The following DMD variants were observed in gnomAD, a reference collection of about 807,000 sequenced individuals.
DMD encodes the protein mutant dystrophin.
Under a neutral mutation model 330.1 loss-of-function variants are expected in DMD, and 63 were observed. That is an observed-to-expected ratio of 0.19 (90% CI 0.16 to 0.24). The LOEUF is 0.24. DMD is among the 10% of genes least tolerant of loss of function. The pLI, the probability that DMD is intolerant of heterozygous loss-of-function variation, is 1.00. For synonymous variants in DMD, 1,223 were observed against 959.8 expected, an observed-to-expected ratio of 1.27 and a Z score of -5.07; for missense variants, 3,344 against 2,684.1, an observed-to-expected ratio of 1.25 and a Z score of -5.43.
intron 44 of DMD, among the ~76,000 whole-genome samples, chrX:31,998,802 T>C (rs1023711510): frequency 3.3e-4 from 37 of 112,237 alleles, no homozygotes; most frequent in African/African-American, 1.1e-3. Flanking sequence ...CATAAAAGAA[T>C]ACTTATAAAT....
chrX:32,611,376 A>T (rs1474991634), intron 12 of DMD, among the ~76,000 whole-genome samples: 2 of 111,271 alleles, frequency 1.8e-5, no homozygotes, highest in African/African-American at 6.5e-5. Context: ...GTAAAATGTT[A>T]CATAATCAAC....
intron 9 of DMD, among the ~76,000 whole-genome samples, chrX:32,691,407 G>C (rs907616130): frequency 2.7e-5 from 3 of 110,473 alleles, no homozygotes; most frequent in African/African-American, 6.6e-5. Flanking sequence ...ATGGTCAACA[G>C]GTGTATGAAA....
At chrX:31,521,725 G>C (rs763402358) in intron 55 of DMD, among the ~76,000 whole-genome samples, 1 of 111,470 alleles carries the variant, frequency 9.0e-6, no homozygotes, top group Non-Finnish European at 1.9e-5. Context: ...TTTGTGATAC[G>C]GTTTTAAATT....
intron 7 of DMD, among the ~76,000 whole-genome samples, chrX:32,720,927 T>G (rs1334279446): frequency 8.9e-6 from 1 of 111,883 alleles, no homozygotes; most frequent in East Asian, 2.8e-4. Flanking sequence ...TGTATTCAAC[T>G]TATACATTTT....
intron 44 of DMD, among the ~76,000 whole-genome samples, chrX:32,147,344 T>C (rs1161935217): frequency 1.8e-5 from 2 of 112,152 alleles, no homozygotes; most frequent in Non-Finnish European, 3.8e-5. Flanking sequence ...CCAATATTGC[T>C]GTGTTTCATT....
At chrX:32,842,927 C>A (rs779362178) in intron 4 of DMD, among the ~76,000 whole-genome samples, 1 of 111,388 alleles carries the variant, frequency 9.0e-6, no homozygotes, top group East Asian at 2.8e-4. Flanking sequence ...CTACCTCAGC[C>A]TCCCGAGTAG....
chrX:31,816,781 G>C (rs1303437020), intron 50 of DMD, among the ~76,000 whole-genome samples: 1 of 47,105 alleles, frequency 2.1e-5, no homozygotes, highest in Non-Finnish European at 3.8e-5. Flanking sequence ...CTGGGCAACA[G>C]AGCAAGATTC....
chrX:32,180,221 A>G (rs1318573569), intron 44 of DMD, among the ~76,000 whole-genome samples: 1 of 111,499 alleles, frequency 9.0e-6, no homozygotes, highest in Non-Finnish European at 1.9e-5. Flanking sequence ...AAATGGACAG[A>G]AGGTTACATC....
At chrX:32,032,288 C>G (rs1319088946) in intron 44 of DMD, among the ~76,000 whole-genome samples, 3 of 111,279 alleles carry the variant, frequency 2.7e-5, no homozygotes, top group African/African-American at 3.3e-5. Flanking sequence ...TGAATCTTTT[C>G]CACATCCCTC....
intron 1 of DMD, among the ~76,000 whole-genome samples, chrX:33,065,495 A>T: frequency 8.9e-6 from 1 of 112,704 alleles, no homozygotes; most frequent in South Asian, 3.6e-4. Context: ...ACTTTAGTAG[A>T]TAAAAAGGAC....
chrX:32,725,059 T>C (rs1205782252), intron 7 of DMD, among the ~76,000 whole-genome samples: 1 of 111,670 alleles, frequency 9.0e-6, no homozygotes, highest in Non-Finnish European at 1.9e-5. Context: ...TTTGGTTGTA[T>C]CTGTGTAACA....
At chrX:31,408,962 T>C (rs902391824) in intron 60 of DMD, among the ~76,000 whole-genome samples, 2 of 108,993 alleles carry the variant, frequency 1.8e-5, no homozygotes, top group African/African-American at 6.7e-5. Context: ...CATTCCCCGG[T>C]GTGTGATGTT....
chrX:32,796,359 C>A (rs2076178685), intron 7 of DMD, among the ~76,000 whole-genome samples: 1 of 110,784 alleles, frequency 9.0e-6, no homozygotes, highest in South Asian at 3.8e-4. Flanking sequence ...ACAATCGAGG[C>A]AAAGATAAAT....
chrX:31,875,514 G>T, intron 47 of DMD, 141 bp from the exon 48 acceptor site: 3 of 482,408 alleles, frequency 6.2e-6, no homozygotes, highest in Non-Finnish European at 1.0e-5. Flanking sequence ...GCATAATATT[G>T]ATTATTTACA....
At chrX:33,253,156 T>C (rs1476569723) in intron 1 of DMD, among the ~76,000 whole-genome samples, 2 of 103,754 alleles carry the variant, frequency 1.9e-5, no homozygotes, top group African/African-American at 8.6e-5. Context: ...CAAAATCTTA[T>C]GTGACCTCAA....
In DMD at chrX:32,287,710, T is replaced by C. The variant is rs767111504; in HGVS notation, c.6118-9A>G. On this transcript the variant is annotated splice_polypyrimidine_tract_variant and intron_variant, in intron 42 of 78. Transcript: ENST00000357033. ...AGACTATCTTTTATATTCTGTAATA[T>C]AAAAATTTTAAAACAGTAAAAAAAT... is the stretch of plus-strand genomic sequence containing the variant. 1 of 1,133,887 alleles carries C rather than the reference T, an allele frequency of 8.8e-7. No individual in the cohort carries two copies. Among genetic ancestry groups the C allele is most frequent in the African/African-American group, 1.8e-5 (1 of 54,399 alleles). 93.4% of individuals were successfully genotyped at this position (1,133,887 alleles called of 1,213,427 possible).
rs187892111 is a variant in DMD at position 32,870,860 on chromosome X, G to A, written c.94-21040C>T. Among the ~76,000 whole-genome samples, 19 of 105,666 alleles carry A rather than the reference G, an allele frequency of 1.8e-4. No individual in the cohort carries two copies. In the East Asian group the frequency reaches 5.7e-3, roughly 32 times the overall value. 91.8% of individuals were successfully genotyped at this position (105,666 alleles called of 115,157 possible). A position where few individuals can be genotyped will look rare whatever the true frequency, so the allele number is the denominator to read the frequency against. ...CTAAGCAATACCATTCAGGATATAT[G>A]CACAGGCAAAGATTTTGATTTCCTG... On this transcript the variant is annotated intron_variant, in intron 2 of 78. Transcript: ENST00000357033.
chrX:31,971,410 C>T (rs114484622), intron 44 of DMD, among the ~76,000 whole-genome samples: 10,093 of 111,269 alleles, frequency 0.091, 572 homozygotes, highest in African/African-American at 0.21. Flanking sequence ...TAGAATTGAA[C>T]AGCTAAGAGT....
chrX:32,474,333 G>A (rs1203393020), intron 21 of DMD, among the ~76,000 whole-genome samples: 1 of 111,473 alleles, frequency 9.0e-6, no homozygotes, highest in Non-Finnish European at 1.9e-5. Context: ...ACATGCATGT[G>A]CAAGTATCTT....
Sources: gnomAD v4.1 joint callset for allele counts (sites outside exome capture counted in the v4.1 genomes callset) on GRCh38, gnomAD v4.1.1 for gene constraint, MANE v1.5 for transcripts, NCBI Gene and HGNC (gene_info 2026-07-23, HGNC 2026-07-21) for gene names.